Variants in MACO1 observed in about 807,000 individuals in gnomAD.
MACO1 encodes the protein macoilin 1.
A neutral mutation model predicts 78.7 loss-of-function variants in MACO1; 14 were observed. That is an observed-to-expected ratio of 0.18 (90% CI 0.12 to 0.28). MACO1 has a LOEUF of 0.28. Among genes scored for constraint, MACO1 ranks in the 10% least tolerant of loss-of-function variants. The probability of loss-of-function intolerance (pLI) is 1.00; values close to 1 mark genes in which losing one functional copy is unlikely to be tolerated. For missense variants in MACO1, 501 were observed against 799.0 expected (o/e 0.63, Z 4.50); for synonymous variants, 288 against 291.6 (o/e 0.99, Z 0.12).
intron 1 of MACO1, among the ~76,000 whole-genome samples, chr1:25,436,295 T>G (rs1162306852): frequency 2.5e-5 from 3 of 121,354 alleles, no homozygotes; most frequent in Admixed American, 1.6e-4. Flanking sequence ...GTTAACCCTT[T>G]GGGGTTTTAT....
In MACO1 at chr1:25,459,424, G is replaced by A. The variant is rs115867922; in HGVS notation, c.1154+532G>A. ...GCAATCTCTTTCACAAAAATCCATG[G>A]AGAAACAGTGTTAGACACAAAGTTT... is the stretch of plus-strand genomic sequence containing the variant. On this transcript the variant is annotated intron_variant, in intron 6 of 10. Transcript: ENST00000374343. Among the ~76,000 whole-genome samples the A allele has an allele frequency of 5.1e-3, 777 of 152,144 alleles. 5 individuals carry two copies. The highest frequency in any genetic ancestry group is 8.1e-3 in the Non-Finnish European group (554 of 68,006).
intron 10 of MACO1, among the ~76,000 whole-genome samples, chr1:25,496,513 C>T (rs1424566294): frequency 6.6e-6 from 1 of 152,160 alleles, no homozygotes; most frequent in Non-Finnish European, 1.5e-5. Context: ...CCAATCATGT[C>T]TTTCTTCTGG....
chr1:25,480,929 A>AAAAAAAAAATAT (rs1553166539), intron 6 of MACO1, among the ~76,000 whole-genome samples: 3 of 47,904 alleles, frequency 6.3e-5, no homozygotes, highest in African/African-American at 1.9e-4. Flanking sequence ...AAAAAAAAAA[A>AAAAAAAAAATAT]ATATATATAT....
At chr1:25,489,691 G>T (rs1222101979) in intron 9 of MACO1, among the ~76,000 whole-genome samples, 1 of 152,178 alleles carries the variant, frequency 6.6e-6, no homozygotes, top group African/African-American at 2.4e-5. Flanking sequence ...GCAGATTGTT[G>T]TTCATAGCAG....
At position 25,499,067 on chromosome 1, in the gene MACO1, G is replaced by A. The variant is rs1310584895; in HGVS notation, c.*601G>A. On this transcript the variant is annotated 3_prime_UTR_variant, in exon 11 of 11. Transcript: ENST00000374343. ...ACCTAAGTGATGAAACTAGCTGTAA[G>A]AATGTAACAGGGGTTGTGTTTGAAA... 2.6e-5 allele frequency: 4 copies of A among 152,280 alleles called. No individual in the cohort carries two copies. The highest frequency in any genetic ancestry group is 5.9e-5 in the Non-Finnish European group (4 of 68,070). 9.4% of individuals were successfully genotyped at this position (152,280 alleles called of 1,614,324 possible).
At chr1:25,433,584 T>C (rs967971342) in intron 1 of MACO1, among the ~76,000 whole-genome samples, 1 of 152,224 alleles carries the variant, frequency 6.6e-6, no homozygotes, top group African/African-American at 2.4e-5. Context: ...ATGGACTTAC[T>C]ATTTTCATGT....
chr1:25,484,311 GC>G, intron 7 of MACO1, 37 bp downstream of exon 7: 2 of 1,541,490 alleles, frequency 1.3e-6, no homozygotes, highest in Non-Finnish European at 1.7e-6. Context: ...CGTAAGCCCG[GC>G]AGCTTCACTG....
chr1:25,471,943 G>C (rs1465959471), intron 6 of MACO1, among the ~76,000 whole-genome samples: 1 of 152,128 alleles, frequency 6.6e-6, no homozygotes, highest in African/African-American at 2.4e-5. Flanking sequence ...AGTTACAAGG[G>C]AAAAGAGGAG....
chr1:25,485,881 T>C lies in MACO1; in HGVS notation c.1496+86T>C. 7.0e-7 allele frequency: 1 copy of C among 1,431,032 alleles called. No homozygotes were observed. Among genetic ancestry groups the C allele is most frequent in the Non-Finnish European group, 9.5e-7 (1 of 1,048,104 alleles). The allele number at this position is 1,431,032 out of a possible 1,614,324, so 88.6% of individuals were successfully genotyped here. A position where few individuals can be genotyped will look rare whatever the true frequency, so the allele number is the denominator to read the frequency against. On this transcript the variant is annotated intron_variant, in intron 8 of 10. Coordinates refer to ENST00000374343, the MANE Select transcript of MACO1 (RefSeq NM_018202.6). This position sits in a 1 kb window ranked among gnomAD's most constrained non-coding sequence, Gnocchi z 4.3. ...TGGGAATTTGGTGCCTTGGGCAGGA[T>C]TGGACGTACAGCAATCATGCACGGA...
rs1553164579 is a variant in MACO1 at position 25,454,399 on chromosome 1, T to TGC, written c.473+18_473+19insCG. On this transcript the variant is annotated intron_variant, in intron 4 of 10. Coordinates refer to ENST00000374343, the MANE Select transcript of MACO1 (RefSeq NM_018202.6). The stretch of plus-strand genomic sequence containing the variant: ...TGCTCACTGGTAAGTATTACATAAA[T>TGC]GTATGTGTGTGTGTGTGTATATGTG... The TGC allele has an allele frequency of 6.8e-7, 1 of 1,473,130 alleles. No homozygotes were observed. Among genetic ancestry groups the TGC allele is most frequent in the South Asian group, 1.2e-5 (1 of 81,520 alleles). The allele number at this position is 1,473,130 out of a possible 1,614,324, so 91.3% of individuals were successfully genotyped here. A position where few individuals can be genotyped will look rare whatever the true frequency, so the allele number is the denominator to read the frequency against.
chr1:25,451,546 C>T (rs1306039010), intron 3 of MACO1, among the ~76,000 whole-genome samples: 3 of 151,310 alleles, frequency 2.0e-5, no homozygotes, highest in African/African-American at 4.9e-5. Flanking sequence ...TTTGAAAATG[C>T]ATTTTGAAAT....
At chr1:25,461,984 T>G (rs1223502668) in intron 6 of MACO1, among the ~76,000 whole-genome samples, 1 of 152,186 alleles carries the variant, frequency 6.6e-6, no homozygotes, top group African/African-American at 2.4e-5. Flanking sequence ...TTATCTTACT[T>G]CCTCCCACCC....
intron 5 of MACO1, 83 bp downstream of exon 5, chr1:25,456,914 A>G: frequency 4.2e-6 from 6 of 1,441,478 alleles, no homozygotes; most frequent in East Asian, 2.4e-5. Flanking sequence ...CTGGAAAAGT[A>G]GCTAGGATTT....
At chr1:25,474,046 G>A (rs2043297929) in intron 6 of MACO1, among the ~76,000 whole-genome samples, 1 of 152,196 alleles carries the variant, frequency 6.6e-6, no homozygotes, top group Non-Finnish European at 1.5e-5. Flanking sequence ...AGGCAGGCTA[G>A]GGTGAGCACT....
At chr1:25,481,228 C>T (rs928894511) in intron 6 of MACO1, among the ~76,000 whole-genome samples, 2 of 151,948 alleles carry the variant, frequency 1.3e-5, no homozygotes, top group South Asian at 4.2e-4. Flanking sequence ...TATGTTTTTC[C>T]CCAGCGACTG....
In MACO1 at chr1:25,430,940, C is replaced by G. The variant is rs868476610; in HGVS notation, c.-159C>G. 3.4e-5 allele frequency: 16 copies of G among 471,944 alleles called. 2 individuals are homozygous for G. The highest frequency in any genetic ancestry group is 3.1e-4 in the East Asian group (8 of 25,900). 29.2% of individuals were successfully genotyped at this position (471,944 alleles called of 1,614,324 possible). On this transcript the variant is annotated 5_prime_UTR_variant, in exon 1 of 11. Coordinates refer to ENST00000374343, the MANE Select transcript of MACO1 (RefSeq NM_018202.6). ...AAGGCGGAGGAGGCTCCGAGCCCCC[C>G]CTCCCCGTGCTACCCCCTCCCCCCG...
At chr1:25,492,972 G>T (rs1398300602) in intron 10 of MACO1, among the ~76,000 whole-genome samples, 3 of 152,104 alleles carry the variant, frequency 2.0e-5, no homozygotes, top group Admixed American at 1.3e-4. Context: ...GATCACTTGA[G>T]CCCAGAAATT....
intron 6 of MACO1, among the ~76,000 whole-genome samples, chr1:25,465,711 C>T (rs1345886406): frequency 6.6e-6 from 1 of 152,098 alleles, no homozygotes; most frequent in Non-Finnish European, 1.5e-5. Context: ...GGGCTTTCAC[C>T]CAAATAATAT....
intron 6 of MACO1, among the ~76,000 whole-genome samples, chr1:25,471,188 A>G (rs2043266682): frequency 6.6e-6 from 1 of 151,712 alleles, no homozygotes; most frequent in East Asian, 1.9e-4. Context: ...AAAATACAAA[A>G]ATTAGCTGAG....
Sources: gnomAD v4.1 joint callset for allele counts (sites outside exome capture counted in the v4.1 genomes callset) on GRCh38, gnomAD v4.1.1 for gene constraint, Gnocchi (gnomAD v3.1) non-coding constraint, MANE v1.5 for transcripts, NCBI Gene and HGNC (gene_info 2026-07-23, HGNC 2026-07-21) for gene names.